Variants in DNAH7 observed in about 807,000 individuals in gnomAD.
The protein encoded by DNAH7 is axonemal beta dynein heavy chain 7.
In DNAH7, 397 loss-of-function variants were observed where a neutral mutation model predicts 444.6. The ratio of observed to expected loss-of-function variants is 0.89; its 90% confidence interval spans 0.82 to 0.97. The LOEUF is 0.97. Ranked by LOEUF, DNAH7 falls within the 50% of genes least tolerant of loss-of-function variation. The pLI, the probability that DNAH7 is intolerant of heterozygous loss-of-function variation, is 0.00. For missense variants in DNAH7, 4,902 were observed against 4,800.8 expected, an observed-to-expected ratio of 1.02 and a Z score of -0.62; for synonymous variants, 1,636 against 1,624.4, an observed-to-expected ratio of 1.01 and a Z score of -0.17.
At chr2:195,918,728 G>A (rs1256715343) in intron 24 of DNAH7, among the ~76,000 whole-genome samples, 4 of 152,158 alleles carry the variant, frequency 2.6e-5, no homozygotes, top group African/African-American at 7.2e-5. Flanking sequence ...GTCAGTGGTC[G>A]ACAGGGGTTC....
intron 49 of DNAH7, among the ~76,000 whole-genome samples, chr2:195,821,876 AT>A (rs1196509725): frequency 6.6e-6 from 1 of 152,136 alleles, no homozygotes; most frequent in Non-Finnish European, 1.5e-5. Flanking sequence ...GAGTAATTTT[AT>A]TTTTGTAAGA....
At chr2:195,947,470 T>C (rs1689894104) in intron 19 of DNAH7, among the ~76,000 whole-genome samples, 1 of 152,058 alleles carries the variant, frequency 6.6e-6, no homozygotes, top group Non-Finnish European at 1.5e-5. Context: ...CAGGCCCCAG[T>C]GTGTGACGTT....
chr2:195,815,061 T>TG (rs1400986237), intron 51 of DNAH7, among the ~76,000 whole-genome samples: 17 of 151,604 alleles, frequency 1.1e-4, no homozygotes, highest in African/African-American at 3.6e-4. Context: ...TTTTTTTTTT[T>TG]TAATTCTTGT....
rs1688048610 is a variant in DNAH7 at position 195,921,876 on chromosome 2, C to T, written c.3935+212G>A. 2.0e-5 allele frequency among the ~76,000 whole-genome samples: 3 copies of T among 152,098 alleles called. No individual in the cohort carries two copies. The South Asian group carries it at 6.2e-4, about 32-fold the overall frequency. ...TGGACAGCGTCAACAACAAGTGACA[C>T]CTACTAATACTTAGAGCCCTAGTAT... On this transcript the variant is annotated intron_variant, in intron 24 of 64. Transcript: ENST00000312428.
intron 15 of DNAH7, among the ~76,000 whole-genome samples, chr2:195,980,560 G>C (rs1052155875): frequency 2.6e-5 from 4 of 152,116 alleles, no homozygotes. Flanking sequence ...TCAAAAAATA[G>C]AAAACTTTAA....
intron 19 of DNAH7, among the ~76,000 whole-genome samples, chr2:195,947,913 C>G (rs1297330055): frequency 1.3e-5 from 2 of 152,070 alleles, no homozygotes; most frequent in Non-Finnish European, 2.9e-5. Flanking sequence ...CCCACCAACA[C>G]TGTAAAAACG....
chr2:196,029,729 C>G (rs774265353), intron 5 of DNAH7, among the ~76,000 whole-genome samples: 4 of 152,192 alleles, frequency 2.6e-5, no homozygotes, highest in South Asian at 2.1e-4. Flanking sequence ...AGAATTTGCC[C>G]TTCCATATGT....
chr2:195,854,563 T>C (rs1699584807), intron 45 of DNAH7, among the ~76,000 whole-genome samples: 1 of 152,208 alleles, frequency 6.6e-6, no homozygotes, highest in Non-Finnish European at 1.5e-5. Context: ...TAAATATCTT[T>C]TGTCTTTCTA....
intron 18 of DNAH7, among the ~76,000 whole-genome samples, chr2:195,958,843 G>C (rs566421629): frequency 6.6e-6 from 1 of 152,176 alleles, no homozygotes; most frequent in African/African-American, 2.4e-5. Flanking sequence ...AAGGCACATA[G>C]AGGCAAGTGC....
At position 195,906,086 on chromosome 2, in the gene DNAH7, G is replaced by A. The variant is rs144393813; in HGVS notation, c.4335+573C>T. 2.8e-4 allele frequency among the ~76,000 whole-genome samples: 42 copies of A among 151,838 alleles called. No individual in the cohort carries two copies. In the East Asian group the frequency reaches 7.9e-3, roughly 29 times the overall value. The stretch of plus-strand genomic sequence containing the variant: ...AACGTGCTCATGATATAATATTAAC[G>A]TGAAAAAAACCCACCAAGCATACAC... On this transcript the variant is annotated intron_variant, in intron 27 of 64. Coordinates refer to ENST00000312428, the MANE Select transcript of DNAH7 (RefSeq NM_018897.3).
intron 21 of DNAH7, among the ~76,000 whole-genome samples, chr2:195,927,728 T>C (rs1369637709): frequency 2.0e-5 from 3 of 151,370 alleles, no homozygotes; most frequent in Admixed American, 1.3e-4. Context: ...TCTATTATTA[T>C]ATCTATGTTT....
At chr2:195,809,595 T>C in intron 52 of DNAH7, 150 bp downstream of exon 52, 1 of 610,360 alleles carries the variant, frequency 1.6e-6, no homozygotes, top group East Asian at 4.7e-5. Context: ...AAATTTATCC[T>C]CCTGATAACA....
intron 63 of DNAH7, among the ~76,000 whole-genome samples, chr2:195,748,351 G>A (rs577575513): frequency 1.1e-4 from 16 of 152,102 alleles, no homozygotes; most frequent in Non-Finnish European, 1.8e-4. Context: ...TAAACAAATG[G>A]AAGAACATTC....
rs766155512 is a variant in DNAH7 at position 195,777,785 on chromosome 2, G to A, written c.11064+15C>T. On this transcript the variant is annotated intron_variant, in intron 59 of 64. Coordinates refer to ENST00000312428, the MANE Select transcript of DNAH7 (RefSeq NM_018897.3). ...ATGTCTTACTGCTTTTAGTTTTTTT[G>A]AAGGGCATACTTACATCACCAGAAG... 1.3e-6 allele frequency: 2 copies of A among 1,573,866 alleles called. No homozygotes were observed. The highest frequency in any genetic ancestry group is 8.7e-7 in the Non-Finnish European group (1 of 1,155,644).
chr2:195,980,061 C>CAAAAA (rs59664135), intron 15 of DNAH7, among the ~76,000 whole-genome samples: 553 of 74,862 alleles, frequency 7.4e-3, no homozygotes, highest in Middle Eastern at 0.025. Flanking sequence ...CAAACTAATA[C>CAAAAA]AAAAAAAAAA....
At chr2:195,768,603 G>T (rs754959211) in intron 61 of DNAH7, among the ~76,000 whole-genome samples, 2 of 152,040 alleles carry the variant, frequency 1.3e-5, no homozygotes, top group Non-Finnish European at 2.9e-5. Flanking sequence ...GTATTACCAA[G>T]TTGTACTTCA....
intron 45 of DNAH7, 86 bp downstream of exon 45, chr2:195,855,725 G>C (rs986787825): frequency 2.1e-6 from 3 of 1,433,928 alleles, no homozygotes; most frequent in East Asian, 2.3e-5. Context: ...AAGGAAACAG[G>C]ACTGGTGTGT....
chr2:196,028,024 G>A lies in DNAH7; in HGVS notation c.422C>T (p.Ser141Leu), dbSNP rs780667721. 6.2e-7 allele frequency: 1 copy of A among 1,609,990 alleles called. No homozygotes were observed. Among genetic ancestry groups the A allele is most frequent in the Non-Finnish European group, 8.5e-7 (1 of 1,177,822 alleles). Residue 141 changes from serine to leucine, a missense_variant, in exon 6 of 65, where the codon TCA (serine) becomes TTA (leucine). By Grantham distance (145) the Ser-to-Leu change is moderately radical (BLOSUM62 -2). Coordinates refer to ENST00000312428, the MANE Select transcript of DNAH7 (RefSeq NM_018897.3). ...AATTGTGCTTCCATCAGGGACAGCT[G>A]AGTCTAAGTCAGCATCTTGTTGCCT... is the stretch of plus-strand genomic sequence containing the variant. ...VIMQQDADLDSAVPDGSTIPK... is the reference protein window; with the variant it reads ...VIMQQDADLDLAVPDGSTIPK...
intron 19 of DNAH7, among the ~76,000 whole-genome samples, chr2:195,948,275 T>G (rs986946485): frequency 1.3e-5 from 2 of 152,224 alleles, no homozygotes; most frequent in Non-Finnish European, 2.9e-5. Context: ...TATTTTGCTG[T>G]GCAGAAGCTC....
Sources: allele counts gnomAD v4.1 joint callset (sites outside exome capture counted in the v4.1 genomes callset), GRCh38; gene constraint gnomAD v4.1.1; transcripts MANE v1.5; gene names NCBI Gene and HGNC (gene_info 2026-07-23, HGNC 2026-07-21).